The following CCDC171 variants were observed in gnomAD, a reference collection of about 807,000 sequenced individuals.
CCDC171 encodes the protein coiled-coil domain-containing protein 171.
In CCDC171, 177 loss-of-function variants were observed where a neutral mutation model predicts 168.2. The observed-to-expected ratio is 1.05, with a 90% CI of 0.93 to 1.19. CCDC171 has a LOEUF of 1.19. Among genes scored for constraint, CCDC171 ranks in the 50% most tolerant of loss-of-function variants. The pLI is 0.00. For missense variants in CCDC171, 1,991 were observed against 1,539.0 expected (o/e 1.29, Z -4.91); for synonymous variants, 687 against 540.8 (o/e 1.27, Z -3.75).
intron 6 of CCDC171, among the ~76,000 whole-genome samples, chr9:15,597,776 G>A (rs181005755): frequency 6.6e-6 from 1 of 152,172 alleles, no homozygotes; most frequent in Non-Finnish European, 1.5e-5. Context: ...ATCTGGTTCT[G>A]GACTTTTTTT....
At chr9:15,568,460 T>TG (rs948234947) in intron 2 of CCDC171, among the ~76,000 whole-genome samples, 3 of 152,022 alleles carry the variant, frequency 2.0e-5, no homozygotes, top group African/African-American at 7.2e-5. Context: ...TTAGTAGAGA[T>TG]GGGGTTTCAC....
chr9:15,977,841 C>G (rs927602735), downstream of CCDC171, among the ~76,000 whole-genome samples: 1 of 152,064 alleles, frequency 6.6e-6, no homozygotes, highest in Admixed American at 6.5e-5. Context: ...TCAGTAGATC[C>G]CTTCTGTGTT....
At chr9:15,635,568 C>G (rs1196180509) in intron 7 of CCDC171, among the ~76,000 whole-genome samples, 2 of 152,138 alleles carry the variant, frequency 1.3e-5, no homozygotes, top group Non-Finnish European at 2.9e-5. Context: ...ATGGTGCCCA[C>G]CCAGACTGAG....
chr9:16,098,974 T>A, the CCDC171 span, among the ~76,000 whole-genome samples: 1 of 152,292 alleles, frequency 6.6e-6, no homozygotes, highest in South Asian at 2.1e-4. Flanking sequence ...AGCTCTGACA[T>A]AGGATGGATA....
chr9:15,786,635 C>T (rs984113048), intron 21 of CCDC171, among the ~76,000 whole-genome samples: 5 of 152,104 alleles, frequency 3.3e-5, no homozygotes, highest in African/African-American at 1.2e-4. Context: ...CTGTGACCTG[C>T]ACATATATGT....
At chr9:15,580,073 A>G (rs140113064) in intron 4 of CCDC171, among the ~76,000 whole-genome samples, 2,552 of 152,306 alleles carry the variant, frequency 0.017, 57 homozygotes, top group African/African-American at 0.057. Flanking sequence ...ACAAATACTT[A>G]CAGCCAACTG....
At chr9:15,786,554 A>G (rs982284840) in intron 21 of CCDC171, among the ~76,000 whole-genome samples, 5 of 152,108 alleles carry the variant, frequency 3.3e-5, no homozygotes, top group Non-Finnish European at 5.9e-5. Context: ...CATGTCAAGG[A>G]TTTCTTTCTA....
chr9:15,911,571 C>A (rs201715483), intron 24 of CCDC171, among the ~76,000 whole-genome samples: 5 of 152,094 alleles, frequency 3.3e-5, no homozygotes, highest in Admixed American at 3.3e-4. Flanking sequence ...TTTGTCAATT[C>A]TGGCTTTTGT....
At chr9:15,603,604 AG>A (rs1425828942) in intron 6 of CCDC171, among the ~76,000 whole-genome samples, 2 of 152,200 alleles carry the variant, frequency 1.3e-5, no homozygotes, top group Non-Finnish European at 2.9e-5. Flanking sequence ...ATGGCTGCAT[AG>A]TATTCTATGG....
At chr9:15,602,243 A>G (rs973538126) in intron 6 of CCDC171, among the ~76,000 whole-genome samples, 3 of 147,982 alleles carry the variant, frequency 2.0e-5, no homozygotes, top group African/African-American at 7.3e-5. Flanking sequence ...AAGTTTTTTA[A>G]AAACAACCTG....
At chr9:15,556,566 T>C (rs1360438734) in intron 1 of CCDC171, among the ~76,000 whole-genome samples, 1 of 152,196 alleles carries the variant, frequency 6.6e-6, no homozygotes, top group Admixed American at 6.6e-5. Flanking sequence ...TCATATCCTT[T>C]GCCCACTTTT....
intron 10 of CCDC171, among the ~76,000 whole-genome samples, chr9:15,687,255 C>T (rs759345659): frequency 6.6e-6 from 1 of 152,038 alleles, no homozygotes; most frequent in Non-Finnish European, 1.5e-5. Context: ...ATGCAGCTAA[C>T]ACTATGCTTA....
chr9:15,611,698 C>T (rs1030383434), intron 6 of CCDC171, among the ~76,000 whole-genome samples: 2 of 152,096 alleles, frequency 1.3e-5, no homozygotes, highest in African/African-American at 4.8e-5. Flanking sequence ...AAACTCCTTC[C>T]TTTTACCAGG....
chr9:15,842,381 C>T (rs1811213420), intron 21 of CCDC171, among the ~76,000 whole-genome samples: 1 of 152,004 alleles, frequency 6.6e-6, no homozygotes, highest in African/African-American at 2.4e-5. Context: ...TATGCATACC[C>T]TTTAAGATAA....
intron 24 of CCDC171, among the ~76,000 whole-genome samples, chr9:15,892,463 G>A (rs1024636424): frequency 4.6e-5 from 7 of 151,702 alleles, no homozygotes; most frequent in Non-Finnish European, 5.9e-5. Flanking sequence ...AGATAATCAT[G>A]TGTTTTTTTT....
the CCDC171 span, among the ~76,000 whole-genome samples, chr9:16,099,347 A>G: frequency 6.6e-6 from 1 of 152,208 alleles, no homozygotes; most frequent in Non-Finnish European, 1.5e-5. Context: ...AGGAGCCTCC[A>G]GGCTGGGAAC....
chr9:15,608,295 C>T (rs764481597), intron 6 of CCDC171, among the ~76,000 whole-genome samples: 46 of 152,180 alleles, frequency 3.0e-4, no homozygotes, highest in South Asian at 1.9e-3. Flanking sequence ...ATAACACTGA[C>T]ATTGAGATTT....
intron 24 of CCDC171, among the ~76,000 whole-genome samples, chr9:15,897,671 C>A (rs1433529087): frequency 6.6e-6 from 1 of 151,986 alleles, no homozygotes; most frequent in East Asian, 1.9e-4. Flanking sequence ...TGCTTTGTAT[C>A]TTTTTCAGTT....
At chr9:15,673,946 T>C (rs1295485456) in intron 9 of CCDC171, among the ~76,000 whole-genome samples, 1 of 152,194 alleles carries the variant, frequency 6.6e-6, no homozygotes, top group African/African-American at 2.4e-5. Context: ...TTTGTACCTC[T>C]GGTAGTATTT....
Sources: gnomAD v4.1 joint callset for allele counts (sites outside exome capture counted in the v4.1 genomes callset) on GRCh38, gnomAD v4.1.1 for gene constraint, MANE v1.5 for transcripts, NCBI Gene and HGNC (gene_info 2026-07-23, HGNC 2026-07-21) for gene names.